The following SEH1L variants were observed in gnomAD, a reference collection of about 807,000 sequenced individuals.
SEH1L encodes the protein SEH1 like nucleoporin.
In SEH1L, 18 loss-of-function variants were observed where a neutral mutation model predicts 49.5. That is an observed-to-expected ratio of 0.36 (90% CI 0.25 to 0.54). The LOEUF (loss-of-function observed/expected upper bound fraction) is 0.54. Ranked by LOEUF, SEH1L falls within the 20% of genes least tolerant of loss-of-function variation. The probability of loss-of-function intolerance (pLI) is 0.87; values close to 1 mark genes in which losing one functional copy is unlikely to be tolerated. For missense variants in SEH1L, 404 were observed against 528.8 expected, an observed-to-expected ratio of 0.76 and a Z score of 2.31; for synonymous variants, 169 against 178.1, an observed-to-expected ratio of 0.95 and a Z score of 0.41.
In SEH1L at chr18:12,952,927, G is replaced by A. The variant is rs541627273; in HGVS notation, c.162+1022G>A. On this transcript the variant is annotated intron_variant, in intron 2 of 8. Transcript: ENST00000399892. ...CTCCTGAGTAGCTGGGATTACAGGC[G>A]CATGCCACCACACCCGGCTAATTTT... Among the ~76,000 whole-genome samples, 4 of 151,916 alleles carry A rather than the reference G, an allele frequency of 2.6e-5. No homozygotes were observed. The South Asian group carries it at 8.3e-4, about 32-fold the overall frequency.
chr18:12,968,195 T>C (rs1325343086), intron 4 of SEH1L, among the ~76,000 whole-genome samples: 1 of 152,208 alleles, frequency 6.6e-6, no homozygotes, highest in African/African-American at 2.4e-5. Flanking sequence ...TCCTGCTGGG[T>C]GCTCTGTTGT....
At chr18:12,949,661 G>A (rs1382439710) in intron 1 of SEH1L, among the ~76,000 whole-genome samples, 1 of 151,686 alleles carries the variant, frequency 6.6e-6, no homozygotes, top group Non-Finnish European at 1.5e-5. Flanking sequence ...CACCATGTTA[G>A]CCAGGATGGT....
At chr18:12,968,553 T>G (rs1474151404) in intron 4 of SEH1L, among the ~76,000 whole-genome samples, 1 of 152,212 alleles carries the variant, frequency 6.6e-6, no homozygotes, top group African/African-American at 2.4e-5. Context: ...AGGTTGGACC[T>G]TCTGGAATTT....
chr18:12,966,386 C>G (rs540929865), intron 4 of SEH1L, among the ~76,000 whole-genome samples: 1 of 151,532 alleles, frequency 6.6e-6, no homozygotes, highest in African/African-American at 2.4e-5. Flanking sequence ...GCCACCGCAC[C>G]CAGCCACCAT....
rs965322044 is a variant in SEH1L at position 12,982,618 on chromosome 18, A to G, written c.862A>G (p.Ile288Val). Residue 288 changes from isoleucine to valine, a missense_variant, in exon 7 of 9, where the codon ATA becomes GTA. Ile to Val is a conservative substitution (Grantham distance 29, BLOSUM62 3). Transcript: ENST00000399892. ...TCAGGTCTGGCGAGTGAGTTGGAAT[A>G]TAACAGGAACGGTGCTAGCATCTTC... Reference protein sequence around the residue: ...NSQVWRVSWNITGTVLASSGD... With the variant: ...NSQVWRVSWNVTGTVLASSGD... 6.2e-7 allele frequency: 1 copy of G among 1,613,870 alleles called. No homozygotes were observed. Among genetic ancestry groups the G allele is most frequent in the East Asian group, 2.2e-5 (1 of 44,890 alleles).
At chr18:12,980,193 G>A (rs1163937589) in intron 6 of SEH1L, among the ~76,000 whole-genome samples, 389 of 107,780 alleles carry the variant, frequency 3.6e-3, no homozygotes, top group African/African-American at 5.6e-3. Flanking sequence ...CGGATGGGGC[G>A]GCTGGCCGGG....
chr18:12,948,031 G>A lies in SEH1L; in HGVS notation c.-91G>A, dbSNP rs1040060248. ...TGGGCAGCACAAGCCGTGCGCTCCC[G>A]GGCTGCGAGGTCTGGCTAGGCTACG... On this transcript the variant is annotated 5_prime_UTR_variant, in exon 1 of 9. Coordinates refer to ENST00000399892, the MANE Select transcript of SEH1L (RefSeq NM_001013437.2). 2 of 901,274 alleles carry A rather than the reference G, an allele frequency of 2.2e-6. No individual in the cohort carries two copies. Among genetic ancestry groups the A allele is most frequent in the Admixed American group, 4.6e-5 (2 of 43,592 alleles). 55.8% of individuals were successfully genotyped at this position (901,274 alleles called of 1,614,324 possible).
Position 12,955,545 on chromosome 18 carries a change from C to T in SEH1L, c.245C>T (p.Thr82Ile). Residue 82 changes from threonine to isoleucine, a missense_variant, in exon 3 of 9, where the codon ACA (threonine) becomes ATA (isoleucine). By Grantham distance (89) the Thr-to-Ile change is moderately conservative (BLOSUM62 -1). Transcript: ENST00000399892. ...QVLASCSFDR[T>I]AAVWEEIVGE... ...TTGGCTTCCTGTTCTTTTGACCGAA[C>T]AGCTGCTGTATGGGAAGAAATAGTA... 1.2e-6 allele frequency: 2 copies of T among 1,613,804 alleles called. No individual in the cohort carries two copies. The highest frequency in any genetic ancestry group is 1.7e-6 in the Non-Finnish European group (2 of 1,179,970).
intron 3 of SEH1L, among the ~76,000 whole-genome samples, chr18:12,959,053 G>GTT (rs2031042929): frequency 6.6e-6 from 1 of 152,182 alleles, no homozygotes; most frequent in Non-Finnish European, 1.5e-5. Context: ...ACTGTGTTGT[G>GTT]AAGTGGCATC....
At position 12,965,202 on chromosome 18, in the gene SEH1L, C is replaced by T. The variant is rs147170727; in HGVS notation, c.521+1831C>T. On this transcript the variant is annotated intron_variant, in intron 4 of 8. Transcript: ENST00000399892. ...TAATTTTTTGTATTTTTAGTAGAGA[C>T]GGGGTTTCACCGTATTAGCCAGGAT... Among the ~76,000 whole-genome samples the T allele has an allele frequency of 5.8e-3, 878 of 151,840 alleles. 14 individuals carry two copies. The highest frequency in any genetic ancestry group is 0.02 in the African/African-American group (841 of 41,426).
intron 2 of SEH1L, among the ~76,000 whole-genome samples, chr18:12,954,190 T>C (rs573191511): frequency 4.6e-5 from 7 of 152,328 alleles, no homozygotes; most frequent in African/African-American, 1.4e-4. Flanking sequence ...AGCTATACAG[T>C]GTGAAACACA....
At chr18:12,979,009 T>A in intron 6 of SEH1L, 117 bp downstream of exon 6, 1 of 985,442 alleles carries the variant, frequency 1.0e-6, no homozygotes, top group South Asian at 1.7e-5. Context: ...TCTGGAAGTT[T>A]TACTTAAAAA....
chr18:12,968,055 T>G (rs1285762006), intron 4 of SEH1L, among the ~76,000 whole-genome samples: 2 of 152,234 alleles, frequency 1.3e-5, no homozygotes, highest in African/African-American at 4.8e-5. Context: ...ATATCAGTTC[T>G]TTTCGTGTGC....
chr18:12,968,472 A>G (rs757958089), intron 4 of SEH1L, among the ~76,000 whole-genome samples: 2 of 152,172 alleles, frequency 1.3e-5, no homozygotes, highest in Non-Finnish European at 2.9e-5. Flanking sequence ...TCTCACTAAG[A>G]CAATGTTTTT....
Position 12,978,827 on chromosome 18 carries a change from A to G in SEH1L, c.696A>G (p.Gly232=). The change falls in exon 6 of 9, where the codon GGA becomes GGG. Residue 232 remains glycine, a synonymous_variant. Coordinates refer to ENST00000399892, the MANE Select transcript of SEH1L (RefSeq NM_001013437.2). ...VHDIAFAPNL[G]RSFHILAIAT... ...ATATTGCATTCGCTCCAAATTTGGG[A>G]AGATCTTTCCATATTCTAGCAATAG... The G allele has an allele frequency of 1.2e-6, 2 of 1,613,956 alleles. No individual in the cohort carries two copies. The highest frequency in any genetic ancestry group is 1.1e-5 in the South Asian group (1 of 91,078).
chr18:12,974,998 ATTTTT>A (rs200167127), intron 5 of SEH1L, among the ~76,000 whole-genome samples: 2 of 147,042 alleles, frequency 1.4e-5, no homozygotes, highest in South Asian at 2.1e-4. Context: ...TTTTTATTTT[ATTTTT>A]TTTTTTGAGA....
intron 5 of SEH1L, chr18:12,972,900 CA>C (rs35556009): frequency 0.66 from 101,073 of 152,002 alleles, 34,086 homozygotes; most frequent in East Asian, 0.77. Flanking sequence ...GACATAAGCC[CA>C]AAAACGTAAA....
intron 4 of SEH1L, chr18:12,964,478 C>G (rs759794734): frequency 2.0e-5 from 3 of 152,050 alleles, no homozygotes; most frequent in Admixed American, 6.6e-5. Context: ...CACATTTATA[C>G]AACTTCCACA....
chr18:12,965,610 T>G (rs887765301), intron 4 of SEH1L, among the ~76,000 whole-genome samples: 3 of 152,252 alleles, frequency 2.0e-5, no homozygotes, highest in Non-Finnish European at 2.9e-5. Context: ...GATACAGTTC[T>G]TGCATATTTT....
Sources: allele counts gnomAD v4.1 joint callset (sites outside exome capture counted in the v4.1 genomes callset), GRCh38; gene constraint gnomAD v4.1.1; transcripts MANE v1.5; gene names NCBI Gene and HGNC (gene_info 2026-07-23, HGNC 2026-07-21).